Variants in STK3 observed in about 807,000 individuals in gnomAD.
STK3 encodes serine/threonine kinase 3.
STK3 carries 41 observed loss-of-function variants against 58.0 expected under a neutral mutation model. The ratio of observed to expected loss-of-function variants is 0.71; its 90% CI spans 0.55 to 0.92. The LOEUF is 0.92. Among genes scored for constraint, STK3 ranks in the 40% least tolerant of loss-of-function variants. The probability of loss-of-function intolerance (pLI) is 0.00; values close to 1 mark genes in which losing one functional copy is unlikely to be tolerated. For missense variants in STK3, 479 were observed against 602.7 expected, an observed-to-expected ratio of 0.79 and a Z score of 2.15; for synonymous variants, 170 against 191.0, an observed-to-expected ratio of 0.89 and a Z score of 0.91.
upstream of STK3, among the ~76,000 whole-genome samples, chr8:98,829,374 T>C (rs1835442542): frequency 6.6e-6 from 1 of 152,322 alleles, no homozygotes; most frequent in African/African-American, 2.4e-5. Context: ...CTAATTTGAT[T>C]GCACCTTCTA....
intron 6 of STK3, among the ~76,000 whole-genome samples, chr8:98,681,477 T>G (rs1314814889): frequency 6.6e-6 from 1 of 152,106 alleles, no homozygotes; most frequent in Non-Finnish European, 1.5e-5. Flanking sequence ...AATGTTTAAG[T>G]GTTAAAGCCT....
intron 10 of STK3, among the ~76,000 whole-genome samples, chr8:98,521,565 A>T (rs1163016163): frequency 6.6e-6 from 1 of 152,032 alleles, no homozygotes; most frequent in Non-Finnish European, 1.5e-5. Flanking sequence ...TCATCATGTC[A>T]TCCTCCAACT....
intron 3 of STK3, chr8:98,427,875 A>C: frequency 3.9e-5 from 34 of 860,978 alleles, no homozygotes; most frequent in Non-Finnish European, 5.5e-5. Flanking sequence ...AGTAATGGGT[A>C]GGGAGAGGGG....
chr8:98,743,207 C>G (rs563845823), intron 4 of STK3, among the ~76,000 whole-genome samples: 5 of 150,770 alleles, frequency 3.3e-5, no homozygotes, highest in Admixed American at 2.6e-4. Flanking sequence ...CAATGACTTT[C>G]TTCACAGAAT....
chr8:98,506,107 G>A lies in STK3; in HGVS notation c.1317+20635C>T, dbSNP rs545173017. Reference sequence around the variant, plus strand: ...TACCTACTCAAGCCTCAGCAATGGCGGATGCCCCTCCCCCTGCCAGGTTGC... The same window carrying A: ...TACCTACTCAAGCCTCAGCAATGGCAGATGCCCCTCCCCCTGCCAGGTTGC... On this transcript the variant is annotated intron_variant, in intron 10 of 10. Coordinates refer to ENST00000419617, the MANE Select transcript of STK3 (RefSeq NM_006281.4). Among the ~76,000 whole-genome samples the A allele has an allele frequency of 5.0e-4, 76 of 152,310 alleles. 1 individual carries two copies. The highest frequency in any genetic ancestry group is 1.6e-3 in the African/African-American group (67 of 41,582).
At chr8:98,940,671 T>G (rs1231779436) in intron 1 of STK3, among the ~76,000 whole-genome samples, 2 of 152,166 alleles carry the variant, frequency 1.3e-5, no homozygotes, top group East Asian at 3.9e-4. Flanking sequence ...CCTCTGCATC[T>G]CCCGCCCGGA....
chr8:98,765,170 G>A (rs567539598), intron 3 of STK3, among the ~76,000 whole-genome samples: 12 of 152,086 alleles, frequency 7.9e-5, no homozygotes, highest in Non-Finnish European at 1.6e-4. Context: ...AATAATACTC[G>A]CATCAGGCAA....
intron 3 of STK3, among the ~76,000 whole-genome samples, chr8:98,841,343 T>G (rs1319738148): frequency 6.6e-6 from 1 of 152,168 alleles, no homozygotes; most frequent in African/African-American, 2.4e-5. Flanking sequence ...AAATCAAAAC[T>G]TATCAAACAA....
the STK3 span, among the ~76,000 whole-genome samples, chr8:98,355,677 T>C: frequency 2.0e-5 from 3 of 152,330 alleles, no homozygotes; most frequent in African/African-American, 7.2e-5. Context: ...AAGGCTGTGA[T>C]CTTACTGAGG....
At chr8:98,568,174 C>A (rs1181792367) in intron 8 of STK3, among the ~76,000 whole-genome samples, 2 of 152,050 alleles carry the variant, frequency 1.3e-5, no homozygotes, top group African/African-American at 2.4e-5. Flanking sequence ...TTACAAATGG[C>A]AGGAGCTCCC....
upstream of STK3, among the ~76,000 whole-genome samples, chr8:98,828,960 A>C (rs1835428814): frequency 6.6e-6 from 1 of 152,238 alleles, no homozygotes; most frequent in Non-Finnish European, 1.5e-5. Flanking sequence ...ACTGGGCTGG[A>C]TAGCATCCTT....
chr8:98,614,565 G>A (rs1020268542), intron 6 of STK3, among the ~76,000 whole-genome samples: 1 of 152,100 alleles, frequency 6.6e-6, no homozygotes, highest in Non-Finnish European at 1.5e-5. Context: ...ATCTCACTAG[G>A]GAGTGCCAGA....
At chr8:98,504,577 C>A (rs1242262528) in intron 10 of STK3, among the ~76,000 whole-genome samples, 1 of 152,200 alleles carries the variant, frequency 6.6e-6, no homozygotes, top group African/African-American at 2.4e-5. Context: ...TCTTGTAAGG[C>A]AGGCCTGGTG....
chr8:98,417,709 A>G (rs1422947556), intron 3 of STK3, among the ~76,000 whole-genome samples: 1 of 152,028 alleles, frequency 6.6e-6, no homozygotes, highest in Non-Finnish European at 1.5e-5. Context: ...TAGTTACTAG[A>G]CGTTAATCCT....
intron 6 of STK3, among the ~76,000 whole-genome samples, chr8:98,622,344 C>T (rs1000664871): frequency 9.2e-5 from 14 of 151,710 alleles, no homozygotes; most frequent in Admixed American, 3.3e-4. Context: ...AAACCAAATA[C>T]TAAATAGGAT....
At chr8:98,358,147 T>A in the STK3 span, among the ~76,000 whole-genome samples, 2 of 152,290 alleles carry the variant, frequency 1.3e-5, no homozygotes, top group Admixed American at 1.3e-4. Flanking sequence ...GATTTCCTTT[T>A]AAAAGTGCAC....
upstream of STK3, among the ~76,000 whole-genome samples, chr8:98,827,874 A>G (rs2131773780): frequency 6.6e-6 from 1 of 152,280 alleles, no homozygotes; most frequent in Non-Finnish European, 1.5e-5. Flanking sequence ...TAACAGGACA[A>G]CAACAATTTT....
intron 10 of STK3, among the ~76,000 whole-genome samples, chr8:98,485,184 T>G (rs1442136112): frequency 6.6e-6 from 1 of 151,852 alleles, no homozygotes; most frequent in Non-Finnish European, 1.5e-5. Context: ...GAGGTTGCAG[T>G]GAGCCGAGAT....
intron 1 of STK3, among the ~76,000 whole-genome samples, chr8:98,791,992 G>A (rs1011904496): frequency 5.9e-5 from 9 of 152,178 alleles, no homozygotes; most frequent in Admixed American, 2.6e-4. Flanking sequence ...GCTTTTGCAC[G>A]ACAAAAGAAC....
Sources: allele counts gnomAD v4.1 joint callset (sites outside exome capture counted in the v4.1 genomes callset), GRCh38; gene constraint gnomAD v4.1.1; transcripts MANE v1.5; gene names NCBI Gene and HGNC (gene_info 2026-07-23, HGNC 2026-07-21).